The following JPH3 variants were observed in gnomAD, a reference collection of about 807,000 sequenced individuals.
The protein encoded by JPH3 is junctophilin 3, also known as junctophilin-3.
JPH3 carries 11 observed loss-of-function variants against 59.6 expected under a neutral mutation model. The ratio of observed to expected loss-of-function variants is 0.18; its 90% CI spans 0.12 to 0.31. The LOEUF is 0.31. JPH3 is among the 10% of genes least tolerant of loss of function. The pLI is 1.00. For missense variants in JPH3, 1,202 were observed against 1,105.7 expected (o/e 1.09, Z -1.24); for synonymous variants, 673 against 483.6 (o/e 1.39, Z -5.14).
chr16:87,634,819 T>C (rs373652148), intron 1 of JPH3, among the ~76,000 whole-genome samples: 6 of 152,230 alleles, frequency 3.9e-5, no homozygotes, highest in African/African-American at 1.2e-4. Flanking sequence ...AGGCACAGCA[T>C]GGGACTGGCT....
intron 1 of JPH3, among the ~76,000 whole-genome samples, chr16:87,624,961 G>A (rs1040154276): frequency 6.6e-6 from 1 of 152,086 alleles, no homozygotes; most frequent in Non-Finnish European, 1.5e-5. Context: ...CACCATGCCC[G>A]GCTAATTTTG....
chr16:87,672,723 T>C (rs899641688), intron 2 of JPH3, among the ~76,000 whole-genome samples: 1 of 152,202 alleles, frequency 6.6e-6, no homozygotes, highest in East Asian at 1.9e-4. Flanking sequence ...TTGATAAAAG[T>C]GGCATCTATA....
intron 1 of JPH3, among the ~76,000 whole-genome samples, chr16:87,607,614 G>C (rs1332026278): frequency 6.6e-6 from 1 of 152,248 alleles, no homozygotes; most frequent in Admixed American, 6.5e-5. Context: ...GCAGTGGTGT[G>C]CTTCGTTTCC....
Position 87,678,167 on chromosome 16 carries a change from G to A in JPH3, c.1161-5975G>A, listed in dbSNP as rs145854154. ...GAAGTGGAAGGACTGCTTGAGCCCA[G>A]GAGTTCAAGACTGTGGTGAGCAGTG... On this transcript the variant is annotated intron_variant, in intron 2 of 4. Transcript: ENST00000284262. Among the ~76,000 whole-genome samples the A allele has an allele frequency of 2.9e-3, 437 of 152,296 alleles. 2 individuals are homozygous for A. Among genetic ancestry groups the A allele is most frequent in the African/African-American group, 9.8e-3 (406 of 41,574 alleles).
intron 3 of JPH3, among the ~76,000 whole-genome samples, chr16:87,684,830 G>T (rs530343108): frequency 4.6e-4 from 70 of 152,298 alleles, no homozygotes; most frequent in Admixed American, 7.8e-4. Flanking sequence ...TCCCTTCGAG[G>T]GGGGGATCAT....
At chr16:87,628,424 G>A (rs2031454695) in intron 1 of JPH3, among the ~76,000 whole-genome samples, 1 of 152,258 alleles carries the variant, frequency 6.6e-6, no homozygotes, top group East Asian at 1.9e-4. Context: ...GTGAGGGAGG[G>A]GCCGGGTGGG....
At chr16:87,619,110 A>G (rs990657578) in intron 1 of JPH3, among the ~76,000 whole-genome samples, 1 of 150,462 alleles carries the variant, frequency 6.6e-6, no homozygotes, top group Non-Finnish European at 1.5e-5. Flanking sequence ...AAGGGGGGGC[A>G]CTGCGCACCA....
intron 1 of JPH3, among the ~76,000 whole-genome samples, chr16:87,620,320 C>A (rs2031125424): frequency 1.3e-5 from 2 of 149,450 alleles, no homozygotes; most frequent in African/African-American, 5.0e-5. Context: ...CAGGAGTCAC[C>A]CATAGGGGCA....
chr16:87,690,327 G>C lies in JPH3; in HGVS notation c.1967G>C (p.Arg656Pro), dbSNP rs766762923. Reference sequence around the variant, plus strand: ...CGGGGCTTCGGGGTGCAGAGACTGCGGTCCAAGGCCCAGAACAAGGAGAAC... The same window carrying C: ...CGGGGCTTCGGGGTGCAGAGACTGCCGTCCAAGGCCCAGAACAAGGAGAAC... ...EDRGFGVQRL[R>P]SKAQNKENFR... The change falls in exon 4 of 5, where the codon CGG (arginine) becomes CCG (proline). Residue 656 changes from arginine to proline, a missense_variant. Arg to Pro is a moderately radical substitution (Grantham distance 103). Coordinates refer to ENST00000284262, the MANE Select transcript of JPH3 (RefSeq NM_020655.4). 6.3e-7 allele frequency: 1 copy of C among 1,588,140 alleles called. No individual in the cohort carries two copies. The highest frequency in any genetic ancestry group is 8.6e-7 in the Non-Finnish European group (1 of 1,168,344).
At chr16:87,637,112 G>T (rs2031776881) in intron 1 of JPH3, among the ~76,000 whole-genome samples, 1 of 152,210 alleles carries the variant, frequency 6.6e-6, no homozygotes, top group African/African-American at 2.4e-5. Context: ...TTTATCTTAG[G>T]AGTCGGAAAT....
chr16:87,664,696 C>T (rs1016616751), intron 2 of JPH3, among the ~76,000 whole-genome samples: 29 of 152,198 alleles, frequency 1.9e-4, no homozygotes, highest in East Asian at 3.9e-4. Context: ...AGGAGCTCCA[C>T]GGTGAGCCAC....
chr16:87,689,145 C>T (rs1009264583), intron 3 of JPH3, among the ~76,000 whole-genome samples: 17 of 152,162 alleles, frequency 1.1e-4, no homozygotes, highest in African/African-American at 4.1e-4. Flanking sequence ...GGCTCTCACG[C>T]TGGCCCCGGC....
In JPH3 at chr16:87,616,187, G is replaced by GT. The variant is rs1555533960; in HGVS notation, c.382+12663dup. On this transcript the variant is annotated intron_variant, in intron 1 of 4. Transcript: ENST00000284262. ...TTAAGCAGAACAGCAACGCAATCTG[G>GT]TTTTGTGTGTGTGTGTGTGTGTGTG... Among the ~76,000 whole-genome samples, 32 of 108,984 alleles carry GT rather than the reference G, an allele frequency of 2.9e-4. No individual in the cohort carries two copies. The Admixed American group carries it at 3.1e-3, about 11-fold the overall frequency. The allele number at this position is 108,984 out of a possible 152,430, so 71.5% of individuals were successfully genotyped here.
chr16:87,673,602 T>C (rs753426242), intron 2 of JPH3, among the ~76,000 whole-genome samples: 2 of 152,160 alleles, frequency 1.3e-5, no homozygotes, highest in Non-Finnish European at 2.9e-5. Context: ...TCCATCAGCA[T>C]GGGCGGACTT....
chr16:87,696,960 A>G lies in JPH3; in HGVS notation c.*300A>G, dbSNP rs952946919. On this transcript the variant is annotated 3_prime_UTR_variant, in exon 5 of 5. Transcript: ENST00000284262. ...GAGACAGAAGGGATCCCGGCACATC[A>G]GTGGTAACAGCGGACGTTGTCCTCG... 1 of 400,646 alleles carries G rather than the reference A, an allele frequency of 2.5e-6. No homozygotes were observed. The highest frequency in any genetic ancestry group is 2.0e-5 in the African/African-American group (1 of 48,872). 24.8% of individuals were successfully genotyped at this position (400,646 alleles called of 1,614,324 possible). A position where few individuals can be genotyped will look rare whatever the true frequency, so the allele number is the denominator to read the frequency against.
At chr16:87,622,556 T>A (rs558447947) in intron 1 of JPH3, among the ~76,000 whole-genome samples, 1 of 152,164 alleles carries the variant, frequency 6.6e-6, no homozygotes, top group East Asian at 1.9e-4. Context: ...TGTGAGGCTG[T>A]GGCTGGGGTA....
At chr16:87,644,082 G>A (rs2032047812) in intron 1 of JPH3, among the ~76,000 whole-genome samples, 176 bp from the exon 2 acceptor site, 1 of 152,202 alleles carries the variant, frequency 6.6e-6, no homozygotes, top group African/African-American at 2.4e-5. Flanking sequence ...TGGCTGTCGT[G>A]AGCTGTGATG....
At chr16:87,644,180 G>A (rs1024585722) in intron 1 of JPH3, 78 bp from the exon 2 acceptor site, 3 of 1,429,510 alleles carry the variant, frequency 2.1e-6, no homozygotes, top group Admixed American at 4.3e-5. Context: ...GACTGTGGCT[G>A]CTTCAACCCT....
intron 2 of JPH3, among the ~76,000 whole-genome samples, chr16:87,660,705 G>A (rs991400161): frequency 2.6e-5 from 4 of 152,182 alleles, no homozygotes; most frequent in Non-Finnish European, 4.4e-5. Flanking sequence ...TTCCACAGAT[G>A]GACCCCCAAT....
Sources: allele counts gnomAD v4.1 joint callset (sites outside exome capture counted in the v4.1 genomes callset), GRCh38; gene constraint gnomAD v4.1.1; transcripts MANE v1.5; gene names NCBI Gene and HGNC (gene_info 2026-07-23, HGNC 2026-07-21).